Variants in FHOD1 observed in about 807,000 individuals in gnomAD.
The protein encoded by FHOD1 is formin homology 2 domain containing 1.
FHOD1 carries 89 observed loss-of-function variants against 111.6 expected under a neutral mutation model. That is an observed-to-expected ratio of 0.80 (90% CI 0.67 to 0.95). FHOD1 has a LOEUF of 0.95. Among genes scored for constraint, FHOD1 ranks in the 40% least tolerant of loss-of-function variants. FHOD1 has a pLI of 0.00. For missense variants in FHOD1, 1,446 were observed against 1,554.2 expected, an observed-to-expected ratio of 0.93 and a Z score of 1.17; for synonymous variants, 618 against 639.0, an observed-to-expected ratio of 0.97 and a Z score of 0.50.
rs143431266 is a variant in FHOD1, at chr16:67,233,752, C to T, written c.1951G>A (p.Ala651Thr). The change falls in exon 13 of 22, where the codon GCC becomes ACC. Residue 651 changes from alanine (A) to threonine (T), a missense_variant. Ala to Thr is a moderately conservative substitution (Grantham distance 58). Around this residue, in one of 3 missense-constraint regions of FHOD1, gnomAD observed 1,085 missense variants for 1,108.8 expected, o/e 0.98. Coordinates refer to ENST00000258201, the MANE Select transcript of FHOD1 (RefSeq NM_013241.3). ...GGGTCCAGTGAAGCCCAGAGGGTGG[C>T]GCAGGGCCCAAAGCGGCTTGCAGAG... ...GVSASRFGPCATLWASLDPVS... is the reference protein window; with the variant it reads ...GVSASRFGPCTTLWASLDPVS... 1.3e-5 allele frequency: 21 copies of T among 1,613,780 alleles called. No homozygotes were observed. The highest frequency in any genetic ancestry group is 1.7e-5 in the Admixed American group (1 of 59,984).
intron 17 of FHOD1, 87 bp from the exon 18 acceptor site, chr16:67,230,878 A>G (rs1430522827): frequency 2.9e-6 from 4 of 1,394,234 alleles, no homozygotes; most frequent in African/African-American, 1.4e-5. Context: ...CAGAGTGGCC[A>G]GCTTGGGCCC....
Position 67,247,353 on chromosome 16 carries a change from C to T in FHOD1, c.58G>A (p.Val20Met). 2 of 1,613,684 alleles carry T rather than the reference C, an allele frequency of 1.2e-6. No homozygotes were observed. The highest frequency in any genetic ancestry group is 1.7e-6 in the Non-Finnish European group (2 of 1,179,834). Residue 20 changes from valine to methionine, a missense_variant, in exon 1 of 22, where the codon GTG becomes ATG. Transcript: ENST00000258201. ...GEPVSVVTVR[V>M]QYLEDTDPFA... is the part of the protein sequence containing the mutation. Reference sequence around the variant, plus strand: ...GGGTCGGTGTCTTCCAGGTACTGCACCCTCACGGTCACCACTGATACCGGC... The same window carrying T: ...GGGTCGGTGTCTTCCAGGTACTGCATCCTCACGGTCACCACTGATACCGGC...
intron 17 of FHOD1, 34 bp from the exon 18 acceptor site, chr16:67,230,825 C>T (rs764350944): frequency 1.3e-6 from 2 of 1,547,770 alleles, no homozygotes; most frequent in Non-Finnish European, 1.7e-6. Context: ...TACTGTCCCC[C>T]CACACCCTGT....
chr16:67,230,959 CAGA>C (rs1220855900), intron 17 of FHOD1, 168 bp from the exon 18 acceptor site: 4 of 857,908 alleles, frequency 4.7e-6, no homozygotes, highest in Middle Eastern at 3.6e-4. Context: ...GAATGGGGAG[CAGA>C]AGGTTTACTG....
At position 67,234,435 on chromosome 16, in the gene FHOD1, C is replaced by T. The variant is rs199754555; in HGVS notation, c.1357G>A (p.Glu453Lys). The T allele has an allele frequency of 1.3e-4, 206 of 1,606,402 alleles. 2 individuals carry two copies. The East Asian group carries it at 4.6e-3, about 36-fold the overall frequency. Residue 453 changes from glutamate (E) to lysine (K), a missense_variant, in exon 12 of 22, where the codon GAG becomes AAG. Glu to Lys is a moderately conservative substitution (Grantham distance 56, BLOSUM62 1). Transcript: ENST00000258201. ...CCCTGGGCCAGCGCAACCTGCTTCTCTGTTTCTGCTGCCGCCACATTCTCC... is the reference window on the plus strand; with the variant it reads ...CCCTGGGCCAGCGCAACCTGCTTCTTTGTTTCTGCTGCCGCCACATTCTCC... ...FLENVAAAET[E>K]KQVALAQGRA...
Position 67,232,074 on chromosome 16 carries a change from AG to A in FHOD1, c.2166del (p.Phe723LeufsTer15), listed in dbSNP as rs775946395. The part of the protein sequence containing the change: ...PVHVIKAALL[N>X]FDEFAVSKDG... ...TCCTTGCTGACAGCAAACTCATCAA[AG>A]TTGAGCAGAGCAGCCTTAATGACAT... On this transcript the variant is annotated frameshift_variant, in exon 14 of 22. Coordinates refer to ENST00000258201, the MANE Select transcript of FHOD1 (RefSeq NM_013241.3). LOFTEE classifies it high-confidence loss of function. 1 of 1,614,236 alleles carries A rather than the reference AG, an allele frequency of 6.2e-7. No individual in the cohort carries two copies. The highest frequency in any genetic ancestry group is 2.2e-5 in the East Asian group (1 of 44,892).
At chr16:67,239,100 C>G (rs2034595821) in intron 2 of FHOD1, 133 bp from the exon 3 acceptor site, 1 of 901,080 alleles carries the variant, frequency 1.1e-6, no homozygotes, top group African/African-American at 1.6e-5. Flanking sequence ...CTCCAAGAAC[C>G]CAAGGGTTGG....
intron 11 of FHOD1, chr16:67,236,318 G>T: frequency 7.6e-7 from 1 of 1,307,274 alleles, no homozygotes; most frequent in Non-Finnish European, 1.0e-6. Context: ...ATGACAAGAG[G>T]CAAAGACAGG....
Position 67,230,421 on chromosome 16 carries a change from C to T in FHOD1, c.2944G>A (p.Glu982Lys). ...RIMQFCHTLREFALEYRTCRE... is the reference protein window; with the variant it reads ...RIMQFCHTLRKFALEYRTCRE... ...CAAGTCCGATACTCAAGCGCAAATT[C>T]CCGCAGCGTGTGGCAGAACTGCATG... Residue 982 changes from glutamate (E) to lysine (K), a missense_variant, in exon 19 of 22, where the codon GAA becomes AAA. Glu to Lys is a moderately conservative substitution (Grantham distance 56). Transcript: ENST00000258201. The T allele has an allele frequency of 6.2e-7, 1 of 1,614,240 alleles. No individual in the cohort carries two copies. The highest frequency in any genetic ancestry group is 8.5e-7 in the Non-Finnish European group (1 of 1,180,036).
rs1274501740 is a variant in FHOD1 at position 67,231,232 on chromosome 16, A to T, written c.2623T>A (p.Ser875Thr). ...SLVLQTRPES[S>T]DLYSEIPALT... ...GCAGGGATTTCTGAATAGAGGTCAG[A>T]GGACTCAGGCCGGGTCTGGAGCACT... Residue 875 changes from serine to threonine, a missense_variant, in exon 17 of 22, where the codon TCT (serine) becomes ACT (threonine). By Grantham distance (58) the Ser-to-Thr change is moderately conservative. Coordinates refer to ENST00000258201, the MANE Select transcript of FHOD1 (RefSeq NM_013241.3). This position sits in a 1 kb window ranked among gnomAD's most constrained non-coding sequence, Gnocchi z 4.3. 3.1e-6 allele frequency: 5 copies of T among 1,614,206 alleles called. No homozygotes were observed. The highest frequency in any genetic ancestry group is 4.2e-6 in the Non-Finnish European group (5 of 1,180,022).
rs1331852035 is a variant in FHOD1, at chr16:67,237,658, G to A, written c.753C>T (p.Thr251=). 15 of 1,614,026 alleles carry A rather than the reference G, an allele frequency of 9.3e-6. No homozygotes were observed. Among genetic ancestry groups the A allele is most frequent in the Middle Eastern group, 1.6e-4 (1 of 6,062 alleles). ...IRAVNSVAST[T]GAPPWANLVS... ...GGGGAGAAAGGGACAGTCTCTGACC[G>A]GTGGTGCTGGCCACAGAGTTCACTG... The change falls in exon 7 of 22, where the codon ACC becomes ACT. Residue 251 remains threonine, a splice_region_variant and synonymous_variant. Transcript: ENST00000258201. The surrounding 1 kb of genome is among the most constrained non-coding windows in gnomAD (Gnocchi z 5.6).
rs2034291482 is a variant in FHOD1 at position 67,231,879 on chromosome 16, T to C, written c.2203-60A>G. 1.3e-6 allele frequency: 2 copies of C among 1,574,286 alleles called. No homozygotes were observed. Among genetic ancestry groups the C allele is most frequent in the African/African-American group, 1.4e-5 (1 of 73,848 alleles). ...CAATGCAGGCCTGAGGCCTGAGGCATTGGTCTTGACCCCTCAGTCATCTAG... is the reference window on the plus strand; with the variant it reads ...CAATGCAGGCCTGAGGCCTGAGGCACTGGTCTTGACCCCTCAGTCATCTAG... On this transcript the variant is annotated intron_variant, in intron 14 of 21. Transcript: ENST00000258201. This position sits in a 1 kb window ranked among gnomAD's most constrained non-coding sequence, Gnocchi z 4.3.
At position 67,229,829 on chromosome 16, in the gene FHOD1, T is replaced by C. The variant is rs1212648190; in HGVS notation, c.3376A>G (p.Arg1126Gly). 2 of 1,614,116 alleles carry C rather than the reference T, an allele frequency of 1.2e-6. No homozygotes were observed. The highest frequency in any genetic ancestry group is 1.7e-6 in the Non-Finnish European group (2 of 1,180,048). ...TTGCCGCGGGAACGCTTGCGTTCCC[T>C]AGCAGCTAAGGCACGAGGACTGCTC... ...TKSSPRALAARERKRSRGNRK... is the reference protein window; with the variant it reads ...TKSSPRALAAGERKRSRGNRK... The change falls in exon 21 of 22, where the codon AGG (arginine) becomes GGG (glycine). Residue 1126 changes from arginine (R) to glycine (G), a missense_variant. Physicochemically the swap from Arg to Gly is moderately radical, Grantham distance 125. Transcript: ENST00000258201.
chr16:67,247,131 C>T (rs2034885610), intron 1 of FHOD1, 79 bp downstream of exon 1: 3 of 1,403,250 alleles, frequency 2.1e-6, no homozygotes, highest in African/African-American at 1.5e-5. Context: ...AGCCTCTTCC[C>T]GCGGAGCACC....
In FHOD1 at chr16:67,233,642, G is replaced by T. The variant is rs1339885056; in HGVS notation, c.2046+15C>A. On this transcript the variant is annotated intron_variant, in intron 13 of 21. Coordinates refer to ENST00000258201, the MANE Select transcript of FHOD1 (RefSeq NM_013241.3). ...CTGCCTCCCTTGGGGCTACCTTGCA[G>T]ATGAGTGGATTTACCTTGGAGGGCA... 1 of 1,577,584 alleles carries T rather than the reference G, an allele frequency of 6.3e-7. No individual in the cohort carries two copies. The highest frequency in any genetic ancestry group is 1.3e-5 in the African/African-American group (1 of 74,228).
rs200444812 is a variant in FHOD1 at position 67,234,083 on chromosome 16, A to G, written c.1620T>C (p.Ser540=). 3.1e-6 allele frequency: 5 copies of G among 1,608,488 alleles called. No individual in the cohort carries two copies. The highest frequency in any genetic ancestry group is 2.2e-5 in the East Asian group (1 of 44,734). ...WELPTRAPRL[S]IGDLDFSDLG... ...GATCTGAAAAGTCCAGGTCCCCAATAGAGAGCCTGGGTGCACGGGTAGGGA... is the reference window on the plus strand; with the variant it reads ...GATCTGAAAAGTCCAGGTCCCCAATGGAGAGCCTGGGTGCACGGGTAGGGA... The change falls in exon 13 of 22, where the codon TCT becomes TCC. Residue 540 remains serine, a synonymous_variant. Coordinates refer to ENST00000258201, the MANE Select transcript of FHOD1 (RefSeq NM_013241.3).
Position 67,231,272 on chromosome 16 carries a change from GT to G in FHOD1, c.2582del (p.His861ProfsTer6). The G allele has an allele frequency of 6.2e-7, 1 of 1,614,190 alleles. No homozygotes were observed. The highest frequency in any genetic ancestry group is 8.5e-7 in the Non-Finnish European group (1 of 1,180,018). The part of the protein sequence containing the change: ...KDTVRRQSLL[H>X]HLCSLVLQTR... ...TCTGGAGCACTAGGGAGCAGAGATG[GT>G]GTAGCAGTGACTGTCGACGCACCGT... On this transcript the variant is annotated frameshift_variant, in exon 17 of 22. Coordinates refer to ENST00000258201, the MANE Select transcript of FHOD1 (RefSeq NM_013241.3). LOFTEE classifies it high-confidence loss of function. This position sits in a 1 kb window ranked among gnomAD's most constrained non-coding sequence, Gnocchi z 4.3.
chr16:67,229,967 T>C lies in FHOD1; in HGVS notation c.3238A>G (p.Ile1080Val), dbSNP rs773670831. 6.8e-6 allele frequency: 11 copies of C among 1,614,026 alleles called. No homozygotes were observed. The East Asian group carries it at 1.3e-4, about 20-fold the overall frequency. Residue 1080 changes from isoleucine to valine, a missense_variant, in exon 21 of 22, where the codon ATC becomes GTC. By Grantham distance (29) the Ile-to-Val change is conservative. This residue lies in a region of FHOD1 where 1,085 missense variants were observed against 1,108.8 expected (regional missense o/e 0.98). Transcript: ENST00000258201. ...SRGMVQSSSPIMPTVGPSTAS... is the reference protein window; with the variant it reads ...SRGMVQSSSPVMPTVGPSTAS... ...GTGGAGGGCCCCACTGTGGGCATGATTGGGGAGCTGCTCTGGACCATGCCT... is the reference window on the plus strand; with the variant it reads ...GTGGAGGGCCCCACTGTGGGCATGACTGGGGAGCTGCTCTGGACCATGCCT...
rs1233821332 is a variant in FHOD1 at position 67,233,870 on chromosome 16, G to A, written c.1833C>T (p.Pro611=). 1.2e-6 allele frequency: 2 copies of A among 1,607,090 alleles called. No individual in the cohort carries two copies. Among genetic ancestry groups the A allele is most frequent in the African/African-American group, 1.3e-5 (1 of 74,458 alleles). Residue 611 remains proline (P), a synonymous_variant, in exon 13 of 22, where the codon CCC becomes CCT. Transcript: ENST00000258201. ...PPPLPLAAPL[P]HSVPDSSALP... Reference sequence around the variant, plus strand: ...GGGCTGAGCTGTCAGGCACTGAATGGGGAAGAGGGGCAGCCAGAGGTAGAG... The same window carrying A: ...GGGCTGAGCTGTCAGGCACTGAATGAGGAAGAGGGGCAGCCAGAGGTAGAG...
Sources: gnomAD v4.1 joint callset for allele counts on GRCh38, gnomAD v4.1.1 for gene constraint, gnomAD v4.1.1 regional missense constraint, Gnocchi (gnomAD v3.1) non-coding constraint, MANE v1.5 for transcripts, NCBI Gene and HGNC (gene_info 2026-07-23, HGNC 2026-07-21) for gene names.